The following STK3 variants were observed in gnomAD, a reference collection of about 807,000 sequenced individuals.
STK3 encodes serine/threonine kinase 3.
A neutral mutation model predicts 58.0 loss-of-function variants in STK3; 41 were observed. That is an observed-to-expected ratio of 0.71 (90% CI 0.55 to 0.92). The LOEUF is 0.92. Among genes scored for constraint, STK3 ranks in the 40% least tolerant of loss-of-function variants. The pLI is 0.00. For synonymous variants in STK3, 170 were observed against 191.0 expected (o/e 0.89, Z 0.91); for missense variants, 479 against 602.7 (o/e 0.79, Z 2.15).
chr8:98,612,644 C>CA (rs887737846), intron 6 of STK3, among the ~76,000 whole-genome samples: 45 of 151,810 alleles, frequency 3.0e-4, no homozygotes, highest in African/African-American at 1.1e-3. Flanking sequence ...CAGGTACAAA[C>CA]AAAAAAGCTC....
chr8:98,670,911 C>A (rs908324900), intron 6 of STK3, among the ~76,000 whole-genome samples: 2 of 152,164 alleles, frequency 1.3e-5, no homozygotes, highest in African/African-American at 2.4e-5. Context: ...GAACTCGGGA[C>A]CCACTGAATG....
chr8:98,744,563 C>T (rs1033126975), intron 4 of STK3, among the ~76,000 whole-genome samples: 6 of 120,680 alleles, frequency 5.0e-5, no homozygotes, highest in East Asian at 2.5e-4. Context: ...AGGGGAACAT[C>T]GCACTCTGGG....
intron 3 of STK3, among the ~76,000 whole-genome samples, chr8:98,420,782 C>T (rs991530195): frequency 6.6e-5 from 10 of 152,226 alleles, no homozygotes; most frequent in Admixed American, 2.6e-4. Context: ...ACAGGGCCGA[C>T]GCATCACAAG....
intron 3 of STK3, among the ~76,000 whole-genome samples, chr8:98,420,538 C>A (rs1029201436): frequency 6.6e-6 from 1 of 152,100 alleles, no homozygotes; most frequent in African/African-American, 2.4e-5. Flanking sequence ...TGGAATGTAT[C>A]CCCTGCAGAT....
chr8:98,662,218 C>A (rs1822019266), intron 6 of STK3, among the ~76,000 whole-genome samples: 2 of 152,180 alleles, frequency 1.3e-5, no homozygotes, highest in South Asian at 4.1e-4. Context: ...TCTGATAAAA[C>A]TGAAATACCA....
intron 1 of STK3, among the ~76,000 whole-genome samples, chr8:98,915,292 G>C (rs1038512237): frequency 4.6e-5 from 7 of 151,756 alleles, no homozygotes; most frequent in African/African-American, 1.7e-4. Context: ...TTTCTCCCAT[G>C]CTGGATGCTT....
At chr8:98,702,347 T>C (rs1198068815) in intron 6 of STK3, among the ~76,000 whole-genome samples, 1 of 152,262 alleles carries the variant, frequency 6.6e-6, no homozygotes, top group Non-Finnish European at 1.5e-5. Context: ...CTCAAATAAC[T>C]GCAAATTTCC....
At chr8:98,871,104 C>G (rs1182560544) in intron 3 of STK3, among the ~76,000 whole-genome samples, 3 of 152,158 alleles carry the variant, frequency 2.0e-5, no homozygotes, top group African/African-American at 7.2e-5. Flanking sequence ...ATAGGGAATC[C>G]TTTCCCCATT....
chr8:98,777,354 T>C (rs148408219), intron 1 of STK3, among the ~76,000 whole-genome samples: 7 of 152,110 alleles, frequency 4.6e-5, no homozygotes, highest in Middle Eastern at 3.4e-3. Flanking sequence ...GGCGGAACCC[T>C]GTCTCTATTA....
chr8:98,357,505 C>T, the STK3 span, among the ~76,000 whole-genome samples: 1 of 152,206 alleles, frequency 6.6e-6, no homozygotes, highest in African/African-American at 2.4e-5. Flanking sequence ...TTAACTGCAG[C>T]CACCATGGTT....
intron 6 of STK3, chr8:98,606,355 G>A (rs1816775862): frequency 6.6e-6 from 1 of 152,204 alleles, no homozygotes; most frequent in African/African-American, 2.4e-5. Context: ...CAGGCTCCCT[G>A]GAAGTCCAAC....
At position 98,651,995 on chromosome 8, in the gene STK3, C is replaced by G. The variant is rs548787322; in HGVS notation, c.684+54472G>C. On this transcript the variant is annotated intron_variant, in intron 6 of 10. Transcript: ENST00000419617. ...AAATACAGAGAACGCCACAAAGATA[C>G]TCCTCGAGAAGAGCAACTCCAAGAC... 5.0e-3 allele frequency among the ~76,000 whole-genome samples: 760 copies of G among 152,154 alleles called. 6 individuals carry two copies. Among genetic ancestry groups the G allele is most frequent in the Non-Finnish European group, 7.8e-3 (528 of 68,006 alleles).
At chr8:98,511,254 A>G (rs1333455286) in intron 10 of STK3, among the ~76,000 whole-genome samples, 1 of 152,036 alleles carries the variant, frequency 6.6e-6, no homozygotes, top group Non-Finnish European at 1.5e-5. Context: ...CAAATGGAAT[A>G]TCTAATAATT....
At chr8:98,916,910 G>A (rs945780480) in intron 1 of STK3, among the ~76,000 whole-genome samples, 4 of 152,178 alleles carry the variant, frequency 2.6e-5, no homozygotes, top group Non-Finnish European at 4.4e-5. Flanking sequence ...AGTCCTTTTT[G>A]ATGGGGATTT....
intron 10 of STK3, among the ~76,000 whole-genome samples, chr8:98,492,717 G>A (rs1360023369): frequency 1.3e-5 from 2 of 151,954 alleles, no homozygotes; most frequent in African/African-American, 4.8e-5. Flanking sequence ...AAAAGAGAGG[G>A]GAGTAATTAT....
chr8:98,671,249 G>A (rs900669101), intron 6 of STK3, among the ~76,000 whole-genome samples: 2 of 152,142 alleles, frequency 1.3e-5, no homozygotes, highest in Non-Finnish European at 2.9e-5. Context: ...GACAGCCTTT[G>A]TAAATAGAAG....
intron 7 of STK3, among the ~76,000 whole-genome samples, chr8:98,587,629 C>A (rs1010447902): frequency 2.0e-5 from 3 of 152,040 alleles, no homozygotes; most frequent in South Asian, 2.1e-4. Context: ...TGGTGCAGAG[C>A]TGAGTTCAAT....
At chr8:98,776,727 C>G (rs945200903) in intron 1 of STK3, among the ~76,000 whole-genome samples, 1 of 150,660 alleles carries the variant, frequency 6.6e-6, no homozygotes, top group African/African-American at 2.4e-5. Flanking sequence ...AAGGCAATGA[C>G]TTTGAAGGAT....
intron 1 of STK3, among the ~76,000 whole-genome samples, chr8:98,885,650 G>A (rs904575082): frequency 2.2e-4 from 33 of 152,304 alleles, no homozygotes; most frequent in African/African-American, 7.7e-4. Context: ...GTGTTGGTCA[G>A]GCTGGTCTCA....
Sources: allele counts gnomAD v4.1 joint callset (sites outside exome capture counted in the v4.1 genomes callset), GRCh38; gene constraint gnomAD v4.1.1; transcripts MANE v1.5; gene names NCBI Gene and HGNC (gene_info 2026-07-23, HGNC 2026-07-21).